SLC24A3: variants seen among roughly 807,000 people sequenced by gnomAD.
SLC24A3 encodes sodium/potassium/calcium exchanger 3.
SLC24A3 carries 28 observed loss-of-function variants against 75.8 expected under a neutral mutation model. The ratio of observed to expected loss-of-function variants is 0.37; its 90% confidence interval spans 0.27 to 0.51. SLC24A3 has a LOEUF of 0.51. SLC24A3 is among the 20% of genes least tolerant of loss of function. SLC24A3 has a pLI of 0.94. For missense variants in SLC24A3, 663 were observed against 847.8 expected (o/e 0.78, Z 2.71); for synonymous variants, 372 against 334.1 (o/e 1.11, Z -1.24).
At chr20:19,605,452 C>T (rs1478803368) in intron 6 of SLC24A3, among the ~76,000 whole-genome samples, 5 of 152,034 alleles carry the variant, frequency 3.3e-5, no homozygotes, top group Non-Finnish European at 5.9e-5. Flanking sequence ...GGTATTAGAA[C>T]GTAATAGCAA....
At chr20:19,682,254 C>CA (rs1016391549) in intron 10 of SLC24A3, among the ~76,000 whole-genome samples, 48 of 149,950 alleles carry the variant, frequency 3.2e-4, no homozygotes, top group African/African-American at 9.3e-4. Flanking sequence ...GACCCTATTT[C>CA]AAAAAAAAAT....
intron 2 of SLC24A3, among the ~76,000 whole-genome samples, chr20:19,402,590 A>T (rs1986571562): frequency 1.3e-5 from 2 of 152,252 alleles, no homozygotes; most frequent in Non-Finnish European, 2.9e-5. Context: ...CATAAAAATA[A>T]TAACAACAAA....
chr20:19,254,603 A>T (rs1370685028), intron 1 of SLC24A3, among the ~76,000 whole-genome samples: 1 of 152,226 alleles, frequency 6.6e-6, no homozygotes, highest in Non-Finnish European at 1.5e-5. Flanking sequence ...TAACTCACGA[A>T]GAAAAGGAAG....
chr20:19,497,351 C>T (rs1013026648), intron 2 of SLC24A3, among the ~76,000 whole-genome samples: 1 of 152,122 alleles, frequency 6.6e-6, no homozygotes, highest in Non-Finnish European at 1.5e-5. Flanking sequence ...AGATACTTAC[C>T]GCAAGGCCTG....
At chr20:19,352,755 T>C (rs1985599663) in intron 2 of SLC24A3, among the ~76,000 whole-genome samples, 2 of 152,172 alleles carry the variant, frequency 1.3e-5, no homozygotes, top group South Asian at 4.1e-4. Flanking sequence ...GGAAGAGACA[T>C]TGTGTAGGAA....
At chr20:19,651,591 G>A (rs562593907) in intron 6 of SLC24A3, among the ~76,000 whole-genome samples, 1 of 151,974 alleles carries the variant, frequency 6.6e-6, no homozygotes, top group Non-Finnish European at 1.5e-5. Context: ...CAGGCGCCGT[G>A]GCTCACGCCT....
chr20:19,423,926 G>A (rs1416449749), intron 2 of SLC24A3, among the ~76,000 whole-genome samples: 3 of 152,174 alleles, frequency 2.0e-5, no homozygotes, highest in Admixed American at 2.0e-4. Flanking sequence ...GGGGAGGGGT[G>A]TGCAGGAAAG....
chr20:19,228,428 A>G (rs1981927266), intron 1 of SLC24A3, among the ~76,000 whole-genome samples: 1 of 152,206 alleles, frequency 6.6e-6, no homozygotes, highest in South Asian at 2.1e-4. Context: ...TCACGAGGTC[A>G]GGAGATCAAG....
intron 9 of SLC24A3, among the ~76,000 whole-genome samples, chr20:19,677,901 GATGACTCTTAACGAGC>G (rs953931925): frequency 7.3e-5 from 11 of 151,474 alleles, no homozygotes; most frequent in African/African-American, 2.7e-4. Context: ...AGGGAGTGGT[GATGACTCTTAACGAGC>G]ATGCTGCCTT....
At chr20:19,369,868 A>G (rs975356418) in intron 2 of SLC24A3, among the ~76,000 whole-genome samples, 5 of 152,122 alleles carry the variant, frequency 3.3e-5, no homozygotes, top group Admixed American at 1.3e-4. Context: ...GAGTTTCACT[A>G]TGTTACAAAA....
chr20:19,643,177 G>A (rs1181328837), intron 6 of SLC24A3, among the ~76,000 whole-genome samples: 6 of 152,136 alleles, frequency 3.9e-5, no homozygotes, highest in Admixed American at 3.9e-4. Context: ...GAGGGGGACA[G>A]GTGCTTCTCT....
At chr20:19,463,347 G>A (rs957101818) in intron 2 of SLC24A3, among the ~76,000 whole-genome samples, 8 of 152,142 alleles carry the variant, frequency 5.3e-5, no homozygotes, top group African/African-American at 1.7e-4. Flanking sequence ...AAGGGCGCAG[G>A]TGCCCACCAG....
At chr20:19,646,708 C>T (rs1222817131) in intron 6 of SLC24A3, among the ~76,000 whole-genome samples, 2 of 152,204 alleles carry the variant, frequency 1.3e-5, no homozygotes, top group Non-Finnish European at 2.9e-5. Context: ...GAGAGCCCCT[C>T]ATGGCCTCTT....
intron 15 of SLC24A3, among the ~76,000 whole-genome samples, chr20:19,699,823 G>A (rs2032851181): frequency 6.6e-6 from 1 of 152,216 alleles, no homozygotes; most frequent in African/African-American, 2.4e-5. Context: ...ACTGGAGGCT[G>A]AGGCTTTTGG....
intron 2 of SLC24A3, among the ~76,000 whole-genome samples, chr20:19,335,032 A>T (rs1362543642): frequency 2.0e-5 from 3 of 152,192 alleles, no homozygotes; most frequent in African/African-American, 7.2e-5. Flanking sequence ...TGATGGACAT[A>T]TTCTCCCTCT....
chr20:19,433,374 G>T (rs935277440), intron 2 of SLC24A3, among the ~76,000 whole-genome samples: 5 of 152,172 alleles, frequency 3.3e-5, no homozygotes, highest in South Asian at 4.1e-4. Context: ...TGAATGTTCC[G>T]CAGGGAAAAC....
chr20:19,252,644 G>A (rs6136664), intron 1 of SLC24A3, among the ~76,000 whole-genome samples: 5 of 59,330 alleles, frequency 8.4e-5, no homozygotes, highest in South Asian at 9.6e-4. Flanking sequence ...TTGGAATGGC[G>A]GGGGGGGGTG....
At position 19,681,914 on chromosome 20, in the gene SLC24A3, T is replaced by C. The variant is rs1218891339; in HGVS notation, c.824T>C (p.Met275Thr). The C allele has an allele frequency of 1.2e-6, 2 of 1,614,022 alleles. No individual in the cohort carries two copies. Among genetic ancestry groups the C allele is most frequent in the Non-Finnish European group, 1.7e-6 (2 of 1,180,026 alleles). ...AGGAGGACAAAAGGTGCCGGGAACA[T>C]GGTCAACGGATTGGCCAACAATGCT... ...FERRTKGAGN[M>T]VNGLANNAEI... is the part of the protein sequence containing the mutation. The change falls in exon 10 of 17, where the codon ATG (methionine) becomes ACG (threonine). Residue 275 changes from methionine to threonine, a missense_variant. Met to Thr is a moderately conservative substitution (Grantham distance 81). Coordinates refer to ENST00000328041, the MANE Select transcript of SLC24A3 (RefSeq NM_020689.4).
At chr20:19,328,743 AT>A (rs1250764716) in intron 2 of SLC24A3, among the ~76,000 whole-genome samples, 2 of 152,172 alleles carry the variant, frequency 1.3e-5, no homozygotes, top group Non-Finnish European at 2.9e-5. Context: ...TAGGATGATA[AT>A]AAGAGTGTGT....
Sources: allele counts gnomAD v4.1 joint callset (sites outside exome capture counted in the v4.1 genomes callset), GRCh38; gene constraint gnomAD v4.1.1; transcripts MANE v1.5; gene names NCBI Gene and HGNC (gene_info 2026-07-23, HGNC 2026-07-21).